Variants in CYFIP1 observed in about 807,000 individuals in gnomAD.
CYFIP1 encodes cytoplasmic FMR1 interacting protein 1.
In CYFIP1, 58 loss-of-function variants were observed where a neutral mutation model predicts 163.5. The ratio of observed to expected loss-of-function variants is 0.35; its 90% CI spans 0.29 to 0.44. CYFIP1 has a LOEUF of 0.44. Ranked by LOEUF, CYFIP1 falls within the 20% of genes least tolerant of loss-of-function variation. The probability of loss-of-function intolerance (pLI) is 1.00; values close to 1 mark genes in which losing one functional copy is unlikely to be tolerated. For synonymous variants in CYFIP1, 663 were observed against 660.7 expected, an observed-to-expected ratio of 1.00 and a Z score of -0.05; for missense variants, 1,338 against 1,653.8, an observed-to-expected ratio of 0.81 and a Z score of 3.31.
At position 22,925,946 on chromosome 15, in the gene CYFIP1, C is replaced by T. The variant is rs114431822; in HGVS notation, c.1359+36G>A. On this transcript the variant is annotated intron_variant, in intron 13 of 30. Coordinates refer to ENST00000617928, the MANE Select transcript of CYFIP1 (RefSeq NM_014608.6). ...CAGAGAAGATGGTGTGAAGCTAGAG[C>T]GACATGAGGAAGAGCGAGCGGCCGA... 7.2e-4 allele frequency: 1,154 copies of T among 1,603,732 alleles called. 10 individuals are homozygous for T. The African/African-American group carries it at 0.013, about 19-fold the overall frequency.
intron 23 of CYFIP1, among the ~76,000 whole-genome samples, chr15:22,886,576 C>A (rs1263731828): frequency 6.6e-6 from 1 of 152,126 alleles, no homozygotes; most frequent in Non-Finnish European, 1.5e-5. Context: ...AATTTCCGAG[C>A]ATATAGAGAT....
chr15:22,875,525 G>C, intron 26 of CYFIP1: 1 of 457,784 alleles, frequency 2.2e-6, no homozygotes, highest in Non-Finnish European at 4.0e-6. Context: ...TTTATTTTTA[G>C]TTACATTTAA....
chr15:22,938,165 T>C (rs746464737), intron 8 of CYFIP1, among the ~76,000 whole-genome samples: 4 of 152,130 alleles, frequency 2.6e-5, no homozygotes, highest in Non-Finnish European at 2.9e-5. Context: ...ATCTTTCCCA[T>C]GAGAAACACA....
chr15:22,885,119 T>C (rs1470872242), intron 23 of CYFIP1, among the ~76,000 whole-genome samples: 2 of 152,188 alleles, frequency 1.3e-5, no homozygotes, highest in African/African-American at 4.8e-5. Flanking sequence ...ATTGTCTTGG[T>C]GATTGACATT....
At chr15:22,921,959 T>C (rs1566975642) in intron 13 of CYFIP1, among the ~76,000 whole-genome samples, 1 of 152,054 alleles carries the variant, frequency 6.6e-6, no homozygotes, top group Non-Finnish European at 1.5e-5. Context: ...AACAATTTGA[T>C]GGGGAAAGAT....
At chr15:22,949,126 C>T (rs1028204908) in intron 1 of CYFIP1, among the ~76,000 whole-genome samples, 6 of 152,224 alleles carry the variant, frequency 3.9e-5, no homozygotes, top group African/African-American at 1.4e-4. Context: ...CACGGTCAAA[C>T]TGCTGAACAC....
intron 1 of CYFIP1, among the ~76,000 whole-genome samples, chr15:22,960,372 C>A (rs780605962): frequency 3.3e-5 from 5 of 152,244 alleles, no homozygotes; most frequent in Non-Finnish European, 5.9e-5. Flanking sequence ...CGGGCTCGTG[C>A]TCTGGGATGT....
chr15:22,869,818 G>A lies in CYFIP1; in HGVS notation c.*210C>T. On this transcript the variant is annotated 3_prime_UTR_variant, in exon 31 of 31. Transcript: ENST00000617928. Reference sequence around the variant, plus strand: ...AGGAACGTGATGGCAACAATCAGCAGCCAATATTCTCAAGAGTTCCTAATT... The same window carrying A: ...AGGAACGTGATGGCAACAATCAGCAACCAATATTCTCAAGAGTTCCTAATT... The A allele has an allele frequency of 2.4e-6, 1 of 416,606 alleles. No homozygotes were observed. Among genetic ancestry groups the A allele is most frequent in the Non-Finnish European group, 4.1e-6 (1 of 243,524 alleles). 25.8% of individuals were successfully genotyped at this position (416,606 alleles called of 1,614,324 possible).
At chr15:22,963,350 C>T (rs916158259) in intron 1 of CYFIP1, among the ~76,000 whole-genome samples, 3 of 151,952 alleles carry the variant, frequency 2.0e-5, no homozygotes, top group Non-Finnish European at 2.9e-5. Context: ...ATTAGATGGG[C>T]GTGGTGGCAG....
rs1047190876 is a variant in CYFIP1, at chr15:22,869,291, A to AAAT, written c.*734_*736dup. ...ACACCTCATTTGCCTGCGGAACCCT[A>AAAT]AATATAAAGCTAAACCTGTGCTGAG... On this transcript the variant is annotated 3_prime_UTR_variant, in exon 31 of 31. Transcript: ENST00000617928. 3 of 148,396 alleles carry AAAT rather than the reference A, an allele frequency of 2.0e-5. No individual in the cohort carries two copies. Among genetic ancestry groups the AAAT allele is most frequent in the African/African-American group, 5.2e-5 (2 of 38,244 alleles). 9.2% of individuals were successfully genotyped at this position (148,396 alleles called of 1,614,324 possible).
chr15:22,870,215 G>A, intron 30 of CYFIP1, 23 bp from the exon 31 acceptor site: 2 of 1,592,760 alleles, frequency 1.3e-6, no homozygotes, highest in African/African-American at 1.4e-5. Flanking sequence ...AAGTGAGGAT[G>A]TTTTACTATT....
chr15:22,917,633 A>C lies in CYFIP1; in HGVS notation c.1674+155T>G. 1 of 914,074 alleles carries C rather than the reference A, an allele frequency of 1.1e-6. No individual in the cohort carries two copies. Among genetic ancestry groups the C allele is most frequent in the Non-Finnish European group, 1.6e-6 (1 of 633,858 alleles). The allele number at this position is 914,074 out of a possible 1,614,324, so 56.6% of individuals were successfully genotyped here. ...ACGCTCCCAACTCACTTGGGTGGGA[A>C]ACAGAGGAGCAGCAGAAACCACAGG... On this transcript the variant is annotated intron_variant, in intron 15 of 30. Transcript: ENST00000617928. The surrounding 1 kb of genome is among the most constrained non-coding windows in gnomAD (Gnocchi z 4.2).
At chr15:22,915,211 G>C (rs1455296935) in intron 16 of CYFIP1, 1 of 203,804 alleles carries the variant, frequency 4.9e-6, no homozygotes, top group Non-Finnish European at 9.7e-6. Flanking sequence ...GCTTACTGCA[G>C]CCTTCAACTC....
chr15:22,909,153 C>G (rs1160605278), intron 21 of CYFIP1, 41 bp downstream of exon 21: 29 of 1,610,014 alleles, frequency 1.8e-5, no homozygotes, highest in Non-Finnish European at 2.4e-5. Context: ...TGGACCTACC[C>G]TTAGTCCAAT....
intron 1 of CYFIP1, among the ~76,000 whole-genome samples, chr15:22,956,075 T>C (rs2062439488): frequency 5.3e-5 from 8 of 151,916 alleles, no homozygotes; most frequent in East Asian, 1.9e-4. Context: ...GGCATGGTGG[T>C]AGGTGCCTGT....
intron 23 of CYFIP1, among the ~76,000 whole-genome samples, chr15:22,890,323 A>G (rs947847415): frequency 2.0e-5 from 3 of 152,098 alleles, no homozygotes; most frequent in South Asian, 2.1e-4. Context: ...AAAAAAAAAA[A>G]AAAGAAAAGT....
In CYFIP1 at chr15:22,873,051, A is replaced by G. The variant is rs561321781; in HGVS notation, c.3450-79T>C. On this transcript the variant is annotated intron_variant, in intron 29 of 30. Transcript: ENST00000617928. ...TTTTCTCAGTCTGTCTCCAGATGTC[A>G]GTGACCAAGCCATCTGCATTACTGT... 7.4e-5 allele frequency: 111 copies of G among 1,499,248 alleles called. No individual in the cohort carries two copies. In the Admixed American group the frequency reaches 1.9e-3, roughly 26 times the overall value. 92.9% of individuals were successfully genotyped at this position (1,499,248 alleles called of 1,614,324 possible). A position where few individuals can be genotyped will look rare whatever the true frequency, so the allele number is the denominator to read the frequency against.
At position 22,910,704 on chromosome 15, in the gene CYFIP1, GTTTTGTATCAAAA is replaced by G. The variant is rs2060758877; in HGVS notation, c.2159+20_2159+32del. ...GGAATGTCAGATCAAATTATGAAAC[GTTTTGTATCAAAA>G]TCACACACCAGATACTCACCTTCCT... On this transcript the variant is annotated intron_variant, in intron 19 of 30. Coordinates refer to ENST00000617928, the MANE Select transcript of CYFIP1 (RefSeq NM_014608.6). 3.1e-6 allele frequency: 5 copies of G among 1,606,254 alleles called. No homozygotes were observed. The highest frequency in any genetic ancestry group is 4.3e-6 in the Non-Finnish European group (5 of 1,172,948).
chr15:22,924,076 A>ATATT (rs1475894823), intron 13 of CYFIP1, among the ~76,000 whole-genome samples: 1 of 152,158 alleles, frequency 6.6e-6, no homozygotes, highest in Non-Finnish European at 1.5e-5. Context: ...ATGTAATGCA[A>ATATT]TATTATTCAG....
Sources: gnomAD v4.1 joint callset for allele counts (sites outside exome capture counted in the v4.1 genomes callset) on GRCh38, gnomAD v4.1.1 for gene constraint, Gnocchi (gnomAD v3.1) non-coding constraint, MANE v1.5 for transcripts, NCBI Gene and HGNC (gene_info 2026-07-23, HGNC 2026-07-21) for gene names.